The following XYLT1 variants were observed in gnomAD, a reference collection of about 807,000 sequenced individuals.
XYLT1 encodes xylosyltransferase 1.
Under a neutral mutation model 91.3 loss-of-function variants are expected in XYLT1, and 36 were observed. The ratio of observed to expected loss-of-function variants is 0.39; its 90% CI spans 0.30 to 0.52. The LOEUF (loss-of-function observed/expected upper bound fraction) is 0.52, where lower values mean the gene tolerates loss of function less well. XYLT1 is among the 20% of genes least tolerant of loss of function. XYLT1 has a pLI of 0.68. For missense variants in XYLT1, 1,242 were observed against 1,284.5 expected (o/e 0.97, Z 0.51); for synonymous variants, 588 against 532.0 (o/e 1.11, Z -1.45).
At position 17,270,376 on chromosome 16, in the gene XYLT1, C is replaced by T. The variant is rs79939841; in HGVS notation, c.403-10878G>A. Among the ~76,000 whole-genome samples, 15 of 152,328 alleles carry T rather than the reference C, an allele frequency of 9.8e-5. No individual in the cohort carries two copies. In the East Asian group the frequency reaches 2.9e-3, roughly 29 times the overall value. On this transcript the variant is annotated intron_variant, in intron 2 of 11. Transcript: ENST00000261381. ...CCCAGCCCCTGACTTAACCCACTCC[C>T]CTCTTCCCAACCCCACCAGGGGGAC...
Position 17,195,441 on chromosome 16 carries a change from TTTTG to T in XYLT1, c.1289+2767_1289+2770del, listed in dbSNP as rs758564492. 1.1e-4 allele frequency among the ~76,000 whole-genome samples: 16 copies of T among 152,166 alleles called. No homozygotes were observed. The South Asian group carries it at 1.2e-3, about 12-fold the overall frequency. On this transcript the variant is annotated intron_variant, in intron 5 of 11. Transcript: ENST00000261381. ...CACATCTTCCTTTTTTTTTGTTGTT[TTTTG>T]TTTGTTTGTTTGTTTTTTTGAGATA...
In XYLT1 at chr16:17,105,103, C is replaced by A. The variant is rs1267102829; in HGVS notation, c.*3592G>T. The A allele has an allele frequency of 6.6e-6, 1 of 152,262 alleles. No homozygotes were observed. Among genetic ancestry groups the A allele is most frequent in the African/African-American group, 2.4e-5 (1 of 41,430 alleles). The allele number at this position is 152,262 out of a possible 1,614,324, so 9.4% of individuals were successfully genotyped here. ...CTGCTGGGAAGCTGGTGCTCCAAAT[C>A]CTCAGTGAACTTGGTTGTGAAAGGA... On this transcript the variant is annotated 3_prime_UTR_variant, in exon 12 of 12. Coordinates refer to ENST00000261381, the MANE Select transcript of XYLT1 (RefSeq NM_022166.4).
intron 1 of XYLT1, among the ~76,000 whole-genome samples, chr16:17,361,528 T>C (rs561164007): frequency 1.2e-4 from 18 of 152,330 alleles, no homozygotes; most frequent in Admixed American, 9.8e-4. Flanking sequence ...AGTCTGCAAA[T>C]GCATCCCAGG....
intron 1 of XYLT1, among the ~76,000 whole-genome samples, chr16:17,405,855 T>C (rs1283227660): frequency 1.3e-5 from 2 of 152,172 alleles, no homozygotes; most frequent in Non-Finnish European, 1.5e-5. Flanking sequence ...CCTCAGTTAC[T>C]TCCTATCCAT....
chr16:17,203,874 A>G, intron 3 of XYLT1, among the ~76,000 whole-genome samples: 1 of 152,266 alleles, frequency 6.6e-6, no homozygotes, highest in Non-Finnish European at 1.5e-5. Flanking sequence ...CCCTGTAGCC[A>G]TGAACATCTT....
At chr16:17,146,281 T>C (rs1389841444) in intron 6 of XYLT1, among the ~76,000 whole-genome samples, 1 of 152,158 alleles carries the variant, frequency 6.6e-6, no homozygotes, top group Non-Finnish European at 1.5e-5. Flanking sequence ...AAATGGATGA[T>C]GGTGTAATGA....
chr16:17,145,159 A>C (rs2031099186), intron 6 of XYLT1, among the ~76,000 whole-genome samples: 1 of 152,196 alleles, frequency 6.6e-6, no homozygotes, highest in Non-Finnish European at 1.5e-5. Context: ...GCTTCGCATA[A>C]TGTTTTCCAG....
chr16:17,240,695 GCTTT>G (rs2033332448), intron 3 of XYLT1, among the ~76,000 whole-genome samples: 1 of 152,304 alleles, frequency 6.6e-6, no homozygotes, highest in East Asian at 1.9e-4. Context: ...AGGAAATAAT[GCTTT>G]CTTTAATGAT....
chr16:17,332,608 A>G (rs1207806667), intron 2 of XYLT1, among the ~76,000 whole-genome samples: 1 of 147,726 alleles, frequency 6.8e-6, no homozygotes, highest in Non-Finnish European at 1.5e-5. Context: ...ACACACACAC[A>G]CACGGCTTCC....
At chr16:17,332,604 A>ACAC (rs1319542560) in intron 2 of XYLT1, among the ~76,000 whole-genome samples, 2 of 149,774 alleles carry the variant, frequency 1.3e-5, no homozygotes, top group African/African-American at 5.0e-5. Context: ...ACACACACAC[A>ACAC]CACACACGGC....
intron 1 of XYLT1, among the ~76,000 whole-genome samples, chr16:17,427,811 A>C (rs1010760459): frequency 4.6e-5 from 7 of 151,786 alleles, no homozygotes; most frequent in Non-Finnish European, 1.0e-4. Context: ...CATACATTTC[A>C]CTTAAATACA....
chr16:17,372,605 A>T (rs2141875845), intron 1 of XYLT1, among the ~76,000 whole-genome samples: 2 of 152,322 alleles, frequency 1.3e-5, no homozygotes, highest in South Asian at 4.1e-4. Context: ...GCCCATTTTT[A>T]AGAGAAAGTG....
chr16:17,132,702 A>G (rs2030538858), intron 9 of XYLT1, among the ~76,000 whole-genome samples: 1 of 152,184 alleles, frequency 6.6e-6, no homozygotes, highest in African/African-American at 2.4e-5. Context: ...CAGGAGTTCG[A>G]GACCAGCCTG....
intron 1 of XYLT1, among the ~76,000 whole-genome samples, chr16:17,467,794 C>T (rs1483154739): frequency 6.6e-6 from 1 of 152,184 alleles, no homozygotes; most frequent in Non-Finnish European, 1.5e-5. Flanking sequence ...ACACACCCAC[C>T]AGCAACCCAG....
At chr16:17,281,650 G>A (rs1361641595) in intron 2 of XYLT1, among the ~76,000 whole-genome samples, 1 of 152,156 alleles carries the variant, frequency 6.6e-6, no homozygotes, top group African/African-American at 2.4e-5. Flanking sequence ...ATGTGTAAGT[G>A]TTGGCAAGGT....
intron 1 of XYLT1, among the ~76,000 whole-genome samples, chr16:17,454,227 A>G (rs2036705455): frequency 6.6e-6 from 1 of 152,274 alleles, no homozygotes; most frequent in Non-Finnish European, 1.5e-5. Flanking sequence ...GAATGTTCAC[A>G]GCAGCACTAT....
chr16:17,316,115 C>T (rs757179965), intron 2 of XYLT1, among the ~76,000 whole-genome samples: 3 of 152,142 alleles, frequency 2.0e-5, no homozygotes, highest in Non-Finnish European at 4.4e-5. Context: ...CTATTCTCCC[C>T]GAAGCGCACA....
At chr16:17,299,966 T>C (rs1269187512) in intron 2 of XYLT1, among the ~76,000 whole-genome samples, 1 of 151,748 alleles carries the variant, frequency 6.6e-6, no homozygotes, top group Non-Finnish European at 1.5e-5. Context: ...TTTCTGTTAA[T>C]GAGATGAGAA....
At chr16:17,349,082 A>G (rs1445582352) in intron 2 of XYLT1, among the ~76,000 whole-genome samples, 1 of 152,198 alleles carries the variant, frequency 6.6e-6, no homozygotes, top group African/African-American at 2.4e-5. Flanking sequence ...CTGGAAGGGA[A>G]ATGTGAGTAT....
Sources: allele counts gnomAD v4.1 joint callset (sites outside exome capture counted in the v4.1 genomes callset), GRCh38; gene constraint gnomAD v4.1.1; transcripts MANE v1.5; gene names NCBI Gene and HGNC (gene_info 2026-07-23, HGNC 2026-07-21).